The following RGS6 variants were observed in gnomAD, a reference collection of about 807,000 sequenced individuals.
RGS6 encodes regulator of G-protein signaling 6.
A neutral mutation model predicts 78.5 loss-of-function variants in RGS6; 30 were observed. That is an observed-to-expected ratio of 0.38 (90% CI 0.29 to 0.52). The LOEUF (loss-of-function observed/expected upper bound fraction) is 0.52, where lower values mean the gene tolerates loss of function less well. Among genes scored for constraint, RGS6 ranks in the 20% least tolerant of loss-of-function variants. The probability of loss-of-function intolerance (pLI) is 0.85; values close to 1 mark genes in which losing one functional copy is unlikely to be tolerated. For missense variants in RGS6, 495 were observed against 609.7 expected (o/e 0.81, Z 1.98); for synonymous variants, 206 against 206.0 (o/e 1.00, Z 0.00).
the RGS6 span, among the ~76,000 whole-genome samples, chr14:72,601,034 AGAGGAGGAGAAGGGGGAAGAG>A: frequency 7.7e-6 from 1 of 129,422 alleles, no homozygotes; most frequent in Non-Finnish European, 1.7e-5. Context: ...GGGAGGAGGA[AGAGGAGGAGAAGGGGGAAGAG>A]GAGGAGGAGG....
chr14:72,073,347 T>A (rs1466329819), intron 2 of RGS6, among the ~76,000 whole-genome samples: 2 of 152,236 alleles, frequency 1.3e-5, no homozygotes, highest in Non-Finnish European at 2.9e-5. Context: ...CTGCAGCATA[T>A]TTTTGGTCCT....
chr14:72,610,715 G>A, the RGS6 span, among the ~76,000 whole-genome samples: 1 of 152,228 alleles, frequency 6.6e-6, no homozygotes, highest in Non-Finnish European at 1.5e-5. Flanking sequence ...CTCAAGGGCA[G>A]GTGGGAGATG....
the RGS6 span, among the ~76,000 whole-genome samples, chr14:71,885,413 A>G: frequency 3.9e-5 from 6 of 152,252 alleles, no homozygotes; most frequent in Admixed American, 6.5e-5. Context: ...GCTGGGCAGT[A>G]TTACAGCCCT....
rs373495178 is a variant in RGS6 at position 72,191,589 on chromosome 14, A to T, written c.85-160506A>T. Among the ~76,000 whole-genome samples, 60 of 152,344 alleles carry T rather than the reference A, an allele frequency of 3.9e-4. 3 individuals are homozygous for T. The South Asian group carries it at 7.9e-3, about 20-fold the overall frequency. On this transcript the variant is annotated intron_variant, in intron 2 of 17. Coordinates refer to ENST00000553525, the MANE Select transcript of RGS6 (RefSeq NM_001204424.2). Reference sequence around the variant, plus strand: ...ATGTGCAGGGGAACTGCTCTTTATAAAACCATCAGATCTCATGATCTGTGA... The same window carrying T: ...ATGTGCAGGGGAACTGCTCTTTATATAACCATCAGATCTCATGATCTGTGA...
At chr14:72,293,728 G>A (rs2064117107) in intron 2 of RGS6, among the ~76,000 whole-genome samples, 1 of 152,174 alleles carries the variant, frequency 6.6e-6, no homozygotes, top group Non-Finnish European at 1.5e-5. Flanking sequence ...TTATTTTGGA[G>A]TATGGACCTG....
At chr14:72,436,636 T>G (rs2094924806) in intron 3 of RGS6, among the ~76,000 whole-genome samples, 4 of 152,164 alleles carry the variant, frequency 2.6e-5, no homozygotes, top group Non-Finnish European at 5.9e-5. Flanking sequence ...TAGCTCAAAA[T>G]GTGGTCATTT....
chr14:72,323,895 T>G (rs1276020146), intron 2 of RGS6, among the ~76,000 whole-genome samples: 1 of 151,314 alleles, frequency 6.6e-6, no homozygotes, highest in Non-Finnish European at 1.5e-5. Flanking sequence ...CTTTTTTTAT[T>G]TTTAATTTTT....
intron 3 of RGS6, among the ~76,000 whole-genome samples, chr14:72,408,013 G>A (rs542900321): frequency 6.6e-6 from 1 of 152,180 alleles, no homozygotes; most frequent in Non-Finnish European, 1.5e-5. Flanking sequence ...GAGAGAGTCA[G>A]AGTAATTGGC....
chr14:72,077,174 T>A (rs890239973), intron 2 of RGS6, among the ~76,000 whole-genome samples: 1 of 151,924 alleles, frequency 6.6e-6, no homozygotes, highest in Non-Finnish European at 1.5e-5. Context: ...AATGAAAACT[T>A]ATATTGATTT....
At chr14:72,081,726 C>A (rs555592986) in intron 2 of RGS6, among the ~76,000 whole-genome samples, 2 of 152,004 alleles carry the variant, frequency 1.3e-5, no homozygotes, top group African/African-American at 2.4e-5. Flanking sequence ...AATGTCTGAG[C>A]CTTTTTATGC....
intron 2 of RGS6, among the ~76,000 whole-genome samples, chr14:72,261,098 C>T (rs1469168774): frequency 6.6e-6 from 1 of 152,126 alleles, no homozygotes; most frequent in Non-Finnish European, 1.5e-5. Context: ...TTCCACCATG[C>T]TAGGGAACTT....
rs1050366977 is a variant in RGS6, at chr14:72,463,926, C to T, written c.395-1832C>T. ...GGTAAGTAGAAAATCATTTTTAAAA[C>T]GACATATGCACACCTTAAGCACCTC... On this transcript the variant is annotated intron_variant, in intron 6 of 17. Coordinates refer to ENST00000553525, the MANE Select transcript of RGS6 (RefSeq NM_001204424.2). Among the ~76,000 whole-genome samples the T allele has an allele frequency of 5.9e-4, 90 of 152,150 alleles. 1 individual carries two copies. The highest frequency in any genetic ancestry group is 9.2e-4 in the Admixed American group (14 of 15,262).
upstream of RGS6, among the ~76,000 whole-genome samples, chr14:71,930,310 T>C (rs924427825): frequency 2.0e-5 from 3 of 152,154 alleles, no homozygotes; most frequent in Non-Finnish European, 2.9e-5. Flanking sequence ...ATTTTCTTAA[T>C]GTATTTACTT....
intron 2 of RGS6, among the ~76,000 whole-genome samples, chr14:72,171,472 G>T (rs1490116010): frequency 6.6e-6 from 1 of 152,194 alleles, no homozygotes; most frequent in African/African-American, 2.4e-5. Context: ...ACTTGAGGGT[G>T]CCCTCAAGGC....
At chr14:72,201,660 C>T (rs957839586) in intron 2 of RGS6, among the ~76,000 whole-genome samples, 1 of 152,210 alleles carries the variant, frequency 6.6e-6, no homozygotes, top group Non-Finnish European at 1.5e-5. Flanking sequence ...ACCAATCCCA[C>T]TTCCCAAATA....
At chr14:72,541,174 A>C (rs768812524) in intron 17 of RGS6, 1 of 1,385,254 alleles carries the variant, frequency 7.2e-7, no homozygotes, top group Non-Finnish European at 9.5e-7. Context: ...ATTGATATTG[A>C]CTTGCCTTTG....
intron 13 of RGS6, among the ~76,000 whole-genome samples, chr14:72,507,557 G>T (rs910917326): frequency 2.0e-5 from 3 of 152,096 alleles, no homozygotes; most frequent in African/African-American, 7.2e-5. Flanking sequence ...TCTGTCCTAA[G>T]CATCCCTCTG....
intron 2 of RGS6, among the ~76,000 whole-genome samples, chr14:71,985,555 T>C (rs181966221): frequency 6.6e-6 from 1 of 152,340 alleles, no homozygotes; most frequent in East Asian, 1.9e-4. Context: ...ACTCCTATTA[T>C]ATATATGGTT....
At chr14:72,417,830 T>C (rs955273987) in intron 3 of RGS6, among the ~76,000 whole-genome samples, 1 of 152,240 alleles carries the variant, frequency 6.6e-6, no homozygotes, top group African/African-American at 2.4e-5. Context: ...TTTGCCCCAC[T>C]GGTCCCCAGG....
Sources: allele counts gnomAD v4.1 joint callset (sites outside exome capture counted in the v4.1 genomes callset), GRCh38; gene constraint gnomAD v4.1.1; transcripts MANE v1.5; gene names NCBI Gene and HGNC (gene_info 2026-07-23, HGNC 2026-07-21).